ADAM9: variants seen among roughly 807,000 people sequenced by gnomAD.
ADAM9 encodes the protein disintegrin and metalloproteinase domain-containing protein 9.
Under a neutral mutation model 108.1 loss-of-function variants are expected in ADAM9, and 54 were observed. The ratio of observed to expected loss-of-function variants is 0.50; its 90% CI spans 0.40 to 0.63. The LOEUF is 0.63. Among genes scored for constraint, ADAM9 ranks in the 20% least tolerant of loss-of-function variants. The pLI is 0.00. For synonymous variants in ADAM9, 316 were observed against 336.0 expected (o/e 0.94, Z 0.65); for missense variants, 830 against 997.7 (o/e 0.83, Z 2.26).
At chr8:39,061,910 T>C (rs1224579052) in intron 14 of ADAM9, among the ~76,000 whole-genome samples, 1 of 152,198 alleles carries the variant, frequency 6.6e-6, no homozygotes, top group Non-Finnish European at 1.5e-5. Context: ...CAAGATATAC[T>C]GTAGACTGTG....
intron 11 of ADAM9, among the ~76,000 whole-genome samples, chr8:39,028,781 C>G (rs190003233): frequency 6.6e-6 from 1 of 151,934 alleles, no homozygotes; most frequent in Non-Finnish European, 1.5e-5. Flanking sequence ...ATAAGAAAAT[C>G]AATAATATAG....
Position 39,026,691 on chromosome 8 carries a change from T to C in ADAM9, c.1011T>C (p.Thr337=), listed in dbSNP as rs770219427. The change falls in exon 11 of 22, where the codon ACT becomes ACC. Residue 337 remains threonine, a synonymous_variant. Coordinates refer to ENST00000487273, the MANE Select transcript of ADAM9 (RefSeq NM_003816.3). ...GTTCTGAACAGTTTGGACAAATCAC[T>C]GTGGAGACATTTGCTTCCATTGTTG... is the stretch of plus-strand genomic sequence containing the variant. ...AGGINVFGQI[T]VETFASIVAH... 2.0e-5 allele frequency: 32 copies of C among 1,614,110 alleles called. No homozygotes were observed. Among genetic ancestry groups the C allele is most frequent in the Admixed American group, 1.7e-5 (1 of 60,014 alleles).
intron 14 of ADAM9, among the ~76,000 whole-genome samples, chr8:39,070,265 A>T (rs895526943): frequency 6.6e-6 from 1 of 152,016 alleles, no homozygotes; most frequent in Non-Finnish European, 1.5e-5. Flanking sequence ...TGTTAATGAT[A>T]TACTATAATT....
intron 20 of ADAM9, among the ~76,000 whole-genome samples, chr8:39,093,934 T>C (rs1016128283): frequency 2.0e-5 from 3 of 152,178 alleles, no homozygotes; most frequent in Non-Finnish European, 4.4e-5. Context: ...CCTGCCCAGC[T>C]AATTTTTATA....
chr8:39,081,014 G>A (rs956717470), intron 16 of ADAM9, among the ~76,000 whole-genome samples: 1 of 145,966 alleles, frequency 6.9e-6, no homozygotes, highest in Non-Finnish European at 1.5e-5. Flanking sequence ...GCAGTAGAGT[G>A]CAGATCTTGG....
At chr8:39,032,933 C>T (rs1837145228) in intron 11 of ADAM9, among the ~76,000 whole-genome samples, 1 of 152,166 alleles carries the variant, frequency 6.6e-6, no homozygotes, top group Admixed American at 6.5e-5. Context: ...CCCATGTAAA[C>T]TTTAAAATCA....
rs1838037769 is a variant in ADAM9 at position 39,054,075 on chromosome 8, G to A, written c.1303-406G>A. Reference sequence around the variant, plus strand: ...CGTCTCTCTGCACACATGCACTGAGGAAGGGCTATGTCAGCACACAGCAAG... The same window carrying A: ...CGTCTCTCTGCACACATGCACTGAGAAAGGGCTATGTCAGCACACAGCAAG... On this transcript the variant is annotated intron_variant, in intron 12 of 21. Transcript: ENST00000487273. Among the ~76,000 whole-genome samples, 6 of 152,104 alleles carry A rather than the reference G, an allele frequency of 3.9e-5. 1 individual carries two copies.
Position 39,042,227 on chromosome 8 carries a change from G to T in ADAM9, c.1302+110G>T. The stretch of plus-strand genomic sequence containing the variant: ...ATAGGAGCTAAAGTAAAATTTAGTG[G>T]CACAGTGAGGATTGTTATTTTGTTT... On this transcript the variant is annotated intron_variant, in intron 12 of 21. Transcript: ENST00000487273. The T allele has an allele frequency of 3.4e-6, 4 of 1,171,406 alleles. 1 individual carries two copies. The allele number at this position is 1,171,406 out of a possible 1,614,324, so 72.6% of individuals were successfully genotyped here.
At chr8:39,097,461 T>A (rs773310630) in intron 20 of ADAM9, among the ~76,000 whole-genome samples, 9 of 151,990 alleles carry the variant, frequency 5.9e-5, no homozygotes, top group Non-Finnish European at 1.0e-4. Context: ...CATGCGCCAC[T>A]ACTCCCAGCT....
At position 39,105,177 on chromosome 8, in the gene ADAM9, A is replaced by G. The variant is rs769761184; in HGVS notation, c.*1477A>G. 5 of 442,050 alleles carry G rather than the reference A, an allele frequency of 1.1e-5. No individual in the cohort carries two copies. The highest frequency in any genetic ancestry group is 8.2e-5 in the South Asian group (5 of 61,116). 27.4% of individuals were successfully genotyped at this position (442,050 alleles called of 1,614,324 possible). On this transcript the variant is annotated 3_prime_UTR_variant, in exon 22 of 22. Coordinates refer to ENST00000487273, the MANE Select transcript of ADAM9 (RefSeq NM_003816.3). ...TTAATAAAGAACAGATTAGTTTTGA[A>G]GAAGGCAAAAATTTCAGTTTTCTGA...
intron 9 of ADAM9, among the ~76,000 whole-genome samples, 170 bp from the exon 10 acceptor site, chr8:39,025,633 A>C (rs535854695): frequency 6.6e-6 from 1 of 152,298 alleles, no homozygotes; most frequent in East Asian, 1.9e-4. Context: ...AAAAATTAAT[A>C]AGAAGGAGAT....
At chr8:39,020,725 T>C (rs1448276772) in intron 7 of ADAM9, among the ~76,000 whole-genome samples, 1 of 152,228 alleles carries the variant, frequency 6.6e-6, no homozygotes, top group African/African-American at 2.4e-5. Flanking sequence ...CTGTAACCAA[T>C]CTGGCTGTTT....
chr8:39,056,565 CTG>C (rs1251657164), intron 14 of ADAM9, among the ~76,000 whole-genome samples: 1 of 152,136 alleles, frequency 6.6e-6, no homozygotes, highest in Non-Finnish European at 1.5e-5. Context: ...GCAGTGATGA[CTG>C]TGTATTGTAT....
chr8:39,062,621 C>G (rs1838333698), intron 14 of ADAM9, among the ~76,000 whole-genome samples: 1 of 152,188 alleles, frequency 6.6e-6, no homozygotes, highest in Admixed American at 6.5e-5. Flanking sequence ...CCATTATGCC[C>G]ACCTTGCCTT....
intron 20 of ADAM9, among the ~76,000 whole-genome samples, chr8:39,100,324 C>A (rs1335679676): frequency 6.6e-6 from 1 of 151,434 alleles, no homozygotes; most frequent in Non-Finnish European, 1.5e-5. Flanking sequence ...CCCGTCTCTA[C>A]TAAAAATACG....
At chr8:39,032,766 C>T (rs1374300601) in intron 11 of ADAM9, among the ~76,000 whole-genome samples, 1 of 152,244 alleles carries the variant, frequency 6.6e-6, no homozygotes, top group African/African-American at 2.4e-5. Flanking sequence ...ACACTGGGAG[C>T]TGCAGACCGG....
In ADAM9 at chr8:39,013,974, G is replaced by T. The variant is rs1335359839; in HGVS notation, c.264G>T (p.Leu88Phe). The T allele has an allele frequency of 1.9e-6, 3 of 1,613,036 alleles. No individual in the cohort carries two copies. Among genetic ancestry groups the T allele is most frequent in the Non-Finnish European group, 2.5e-6 (3 of 1,179,304 alleles). ...IIHLERNKDL[L>F]PEDFVVYTYN... ...TTTATTTCTCTTCCAGAGACCTTTT[G>T]CCTGAAGATTTTGTGGTTTATACTT... Residue 88 changes from leucine (L) to phenylalanine (F), a missense_variant, in exon 4 of 22, where the codon TTG (leucine) becomes TTT (phenylalanine). Leu to Phe is a conservative substitution (Grantham distance 22, BLOSUM62 0). Around this residue, in one of 3 missense-constraint regions of ADAM9, gnomAD observed 211 missense variants for 222.2 expected, o/e 0.95. Coordinates refer to ENST00000487273, the MANE Select transcript of ADAM9 (RefSeq NM_003816.3).
At chr8:39,034,364 G>A (rs1009574427) in intron 11 of ADAM9, among the ~76,000 whole-genome samples, 10 of 151,908 alleles carry the variant, frequency 6.6e-5, no homozygotes, top group Admixed American at 5.9e-4. Flanking sequence ...AGGCTATATC[G>A]TGCCTTAACT....
At chr8:39,045,447 C>CACACCTATATGTGCGTGTGTGT (rs1564301947) in intron 12 of ADAM9, among the ~76,000 whole-genome samples, 133 of 30,046 alleles carry the variant, frequency 4.4e-3, no homozygotes, top group Non-Finnish European at 7.5e-3. Flanking sequence ...CGCGTGTGTA[C>CACACCTATATGTGCGTGTGTGT]ACACACCTAT....
Sources: allele counts gnomAD v4.1 joint callset (sites outside exome capture counted in the v4.1 genomes callset), GRCh38; gene constraint gnomAD v4.1.1; regional missense constraint gnomAD v4.1.1; transcripts MANE v1.5; gene names NCBI Gene and HGNC (gene_info 2026-07-23, HGNC 2026-07-21).